Variants in XPO4 observed in about 807,000 individuals in gnomAD.
XPO4 encodes the protein exportin 4, also known as exportin-4.
XPO4 carries 39 observed loss-of-function variants against 143.0 expected under a neutral mutation model. The observed-to-expected ratio is 0.27, with a 90% confidence interval of 0.21 to 0.36. The LOEUF is 0.36. XPO4 is among the 10% of genes least tolerant of loss of function. The probability of loss-of-function intolerance (pLI) is 1.00; values close to 1 mark genes in which losing one functional copy is unlikely to be tolerated. For synonymous variants in XPO4, 439 were observed against 474.0 expected, an observed-to-expected ratio of 0.93 and a Z score of 0.96; for missense variants, 907 against 1,348.0, an observed-to-expected ratio of 0.67 and a Z score of 5.12.
rs144503940 is a variant in XPO4, at chr13:20,850,021, G to A, written c.456+5606C>T. 5.3e-3 allele frequency: 4,005 copies of A among 752,172 alleles called. 24 individuals carry two copies. The highest frequency in any genetic ancestry group is 0.02 in the Middle Eastern group (30 of 1,466). 46.6% of individuals were successfully genotyped at this position (752,172 alleles called of 1,614,324 possible). On this transcript the variant is annotated intron_variant, in intron 4 of 22. Transcript: ENST00000255305. ...CTCGGGTGGCTGAGGCATGAGAATC[G>A]CTTAAACCCAGGAGGCGGAGGTTGT...
intron 2 of XPO4, chr13:20,866,319 G>A (rs2060244743): frequency 8.1e-6 from 8 of 984,788 alleles, no homozygotes; most frequent in Non-Finnish European, 9.6e-6. Context: ...AAGAAATGAG[G>A]AAAAATGAGC....
chr13:20,837,620 A>G (rs2059931204), intron 6 of XPO4, among the ~76,000 whole-genome samples: 1 of 152,132 alleles, frequency 6.6e-6, no homozygotes, highest in African/African-American at 2.4e-5. Context: ...GGCTGTTGAT[A>G]AACACATACC....
chr13:20,858,176 C>G (rs1220539847), intron 3 of XPO4, among the ~76,000 whole-genome samples: 1 of 151,904 alleles, frequency 6.6e-6, no homozygotes, highest in Admixed American at 6.6e-5. Context: ...AAAAAACCTA[C>G]TGTACCTAAA....
At chr13:20,829,392 T>G (rs866214410) in intron 6 of XPO4, among the ~76,000 whole-genome samples, 31 of 152,376 alleles carry the variant, frequency 2.0e-4, no homozygotes, top group African/African-American at 5.8e-4. Context: ...ATATTTCGTA[T>G]GCTTATAAAA....
chr13:20,794,976 C>A, intron 18 of XPO4, among the ~76,000 whole-genome samples: 2 of 142,638 alleles, frequency 1.4e-5, no homozygotes, highest in Admixed American at 7.1e-5. Flanking sequence ...TAGCTCAGGG[C>A]AGATATTGGA....
At chr13:20,807,879 T>C (rs928573224) in intron 12 of XPO4, among the ~76,000 whole-genome samples, 3 of 152,194 alleles carry the variant, frequency 2.0e-5, no homozygotes, top group African/African-American at 2.4e-5. Context: ...CTTTTTAATC[T>C]ACTACCTTAA....
intron 3 of XPO4, chr13:20,858,032 T>G (rs905799300): frequency 4.2e-6 from 4 of 952,670 alleles, no homozygotes; most frequent in Non-Finnish European, 2.5e-6. Context: ...AACTTGAATC[T>G]AATCCACACT....
chr13:20,881,155 G>T (rs1220449527), intron 1 of XPO4, among the ~76,000 whole-genome samples: 1 of 152,128 alleles, frequency 6.6e-6, no homozygotes, highest in Non-Finnish European at 1.5e-5. Context: ...GAGGAAATGG[G>T]AAGTTGCTAT....
chr13:20,841,424 T>A (rs1160305717), intron 6 of XPO4, among the ~76,000 whole-genome samples: 1 of 152,152 alleles, frequency 6.6e-6, no homozygotes, highest in Non-Finnish European at 1.5e-5. Flanking sequence ...GGAAATTTTT[T>A]AAAAAGCAAA....
At chr13:20,791,489 C>T (rs566442346) in intron 18 of XPO4, among the ~76,000 whole-genome samples, 1 of 152,192 alleles carries the variant, frequency 6.6e-6, no homozygotes, top group South Asian at 2.1e-4. Context: ...AGGAAACAGG[C>T]TAAATTCCAA....
intron 6 of XPO4, among the ~76,000 whole-genome samples, chr13:20,833,525 ACT>A (rs1199923436): frequency 1.3e-5 from 2 of 152,132 alleles, no homozygotes; most frequent in African/African-American, 4.8e-5. Flanking sequence ...ACATTGTTGC[ACT>A]GTTTTTAAAA....
intron 22 of XPO4, among the ~76,000 whole-genome samples, chr13:20,785,578 T>C (rs991671643): frequency 1.3e-5 from 2 of 151,134 alleles, no homozygotes; most frequent in Admixed American, 6.6e-5. Context: ...GGCGGGAGGA[T>C]TGCTTGAGGC....
chr13:20,880,849 T>C (rs190038738), intron 1 of XPO4, among the ~76,000 whole-genome samples: 8 of 151,200 alleles, frequency 5.3e-5, no homozygotes, highest in Non-Finnish European at 1.0e-4. Context: ...TCCCACCTAC[T>C]GGGCAGGCTG....
chr13:20,858,224 A>G (rs923172319), intron 3 of XPO4, among the ~76,000 whole-genome samples: 18 of 150,606 alleles, frequency 1.2e-4, no homozygotes, highest in Admixed American at 1.1e-3. Flanking sequence ...GACAGACTGC[A>G]ATACCAAAAA....
chr13:20,900,430 G>A (rs2060609569), intron 1 of XPO4, among the ~76,000 whole-genome samples: 1 of 152,004 alleles, frequency 6.6e-6, no homozygotes, highest in African/African-American at 2.4e-5. Flanking sequence ...CAGAGTTACT[G>A]GAGATAAAAA....
intron 4 of XPO4, chr13:20,851,018 A>T (rs1161969492): frequency 1.0e-6 from 1 of 985,208 alleles, no homozygotes. Flanking sequence ...GTTTATAGCC[A>T]ATACTAAATC....
intron 3 of XPO4, among the ~76,000 whole-genome samples, chr13:20,856,018 A>G (rs766870382): frequency 2.6e-5 from 4 of 152,200 alleles, no homozygotes; most frequent in Non-Finnish European, 5.9e-5. Flanking sequence ...AAATGAGAAT[A>G]ACACTACTAG....
Position 20,778,248 on chromosome 13 carries a change from ATACACTCTAATTGGTTTTC to A in XPO4, c.*5455_*5473del, listed in dbSNP as rs1289760151. 1 of 152,226 alleles carries A rather than the reference ATACACTCTAATTGGTTTTC, an allele frequency of 6.6e-6. No individual in the cohort carries two copies. The highest frequency in any genetic ancestry group is 2.4e-5 in the African/African-American group (1 of 41,474). 9.4% of individuals were successfully genotyped at this position (152,226 alleles called of 1,614,324 possible). A position where few individuals can be genotyped will look rare whatever the true frequency, so the allele number is the denominator to read the frequency against. ...GTAATGAAAGAAACAAAAATTCAAA[ATACACTCTAATTGGTTTTC>A]TTAAACAACTTTTCTTTATCCACCT... is the stretch of plus-strand genomic sequence containing the variant. On this transcript the variant is annotated 3_prime_UTR_variant, in exon 23 of 23. Transcript: ENST00000255305.
chr13:20,859,813 G>GAA, intron 3 of XPO4: 2 of 905,584 alleles, frequency 2.2e-6, no homozygotes, highest in Non-Finnish European at 2.6e-6. Context: ...AAATAAAAAG[G>GAA]AAAAAAAAAG....
Sources: gnomAD v4.1 joint callset for allele counts (sites outside exome capture counted in the v4.1 genomes callset) on GRCh38, gnomAD v4.1.1 for gene constraint, MANE v1.5 for transcripts, NCBI Gene and HGNC (gene_info 2026-07-23, HGNC 2026-07-21) for gene names.